The following ZRANB3 variants were observed in gnomAD, a reference collection of about 807,000 sequenced individuals.
The protein encoded by ZRANB3 is zinc finger RANBP2-type containing 3.
In ZRANB3, 125 loss-of-function variants were observed where a neutral mutation model predicts 133.8. The ratio of observed to expected loss-of-function variants is 0.93; its 90% CI spans 0.81 to 1.08. The LOEUF is 1.08. Ranked by LOEUF, ZRANB3 falls within the 50% of genes least tolerant of loss-of-function variation. ZRANB3 has a pLI of 0.00. For missense variants in ZRANB3, 1,229 were observed against 1,275.5 expected, an observed-to-expected ratio of 0.96 and a Z score of 0.56; for synonymous variants, 387 against 432.7, an observed-to-expected ratio of 0.89 and a Z score of 1.31.
chr2:135,389,057 G>T (rs963826871), intron 3 of ZRANB3, among the ~76,000 whole-genome samples: 1 of 152,156 alleles, frequency 6.6e-6, no homozygotes. Flanking sequence ...CAGTCTGGGC[G>T]ACAGAGCGAG....
chr2:135,462,523 T>C (rs1690804988), intron 2 of ZRANB3, among the ~76,000 whole-genome samples: 1 of 152,178 alleles, frequency 6.6e-6, no homozygotes, highest in Non-Finnish European at 1.5e-5. Context: ...CTTTCTGTAA[T>C]TTTCTTCCTT....
intron 3 of ZRANB3, among the ~76,000 whole-genome samples, chr2:135,377,295 A>G (rs1573999502): frequency 6.6e-6 from 1 of 152,196 alleles, no homozygotes; most frequent in Non-Finnish European, 1.5e-5. Context: ...AAATACACAC[A>G]CAAGTTAGTA....
intron 2 of ZRANB3, among the ~76,000 whole-genome samples, chr2:135,410,759 C>T (rs982755329): frequency 3.4e-5 from 5 of 145,144 alleles, no homozygotes; most frequent in South Asian, 2.3e-4. Context: ...GGAACTGGAA[C>T]GAATCAACAA....
At chr2:135,383,955 C>T (rs148672674) in intron 3 of ZRANB3, among the ~76,000 whole-genome samples, 1,676 of 152,242 alleles carry the variant, frequency 0.011, 16 homozygotes, top group Middle Eastern at 0.044. Flanking sequence ...AAAGCGAACA[C>T]ATTCAAAAGC....
At position 135,246,617 on chromosome 2, in the gene ZRANB3, G is replaced by A. The variant is rs537094666; in HGVS notation, c.1540-15690C>T. ...TAGTAATTTTTATCACAAAGCTTATGAGAAAAATATAATTATAACAACACG... is the reference window on the plus strand; with the variant it reads ...TAGTAATTTTTATCACAAAGCTTATAAGAAAAATATAATTATAACAACACG... On this transcript the variant is annotated intron_variant, in intron 12 of 20. Coordinates refer to ENST00000264159, the MANE Select transcript of ZRANB3 (RefSeq NM_032143.4). 3.3e-5 allele frequency among the ~76,000 whole-genome samples: 5 copies of A among 152,184 alleles called. No homozygotes were observed. The South Asian group carries it at 6.2e-4, about 19-fold the overall frequency.
In ZRANB3 at chr2:135,340,728, C is replaced by T. The variant is rs369654040; in HGVS notation, c.677+4822G>A. Among the ~76,000 whole-genome samples, 132 of 152,020 alleles carry T rather than the reference C, an allele frequency of 8.7e-4. 1 individual carries two copies. In the East Asian group the frequency reaches 9.2e-3, roughly 11 times the overall value. On this transcript the variant is annotated intron_variant, in intron 6 of 20. Transcript: ENST00000264159. ...ATTAGCCGGGTGTGGTGGCGGCACG[C>T]GCCTGTAATCTCAGCTACTCGGGAG... is the stretch of plus-strand genomic sequence containing the variant.
At chr2:135,482,290 G>A (rs369839857) in intron 2 of ZRANB3, among the ~76,000 whole-genome samples, 11,647 of 111,306 alleles carry the variant, frequency 0.1, 1,200 homozygotes, top group African/African-American at 0.33. Flanking sequence ...CTTTTATTTC[G>A]TTGAGCAGTG....
At chr2:135,321,288 G>A (rs924747754) in intron 6 of ZRANB3, among the ~76,000 whole-genome samples, 4 of 152,084 alleles carry the variant, frequency 2.6e-5, no homozygotes, top group African/African-American at 4.8e-5. Flanking sequence ...CCAGTTGTTC[G>A]GTAACCTTGC....
At chr2:135,519,944 G>A (rs1693854994) in intron 1 of ZRANB3, among the ~76,000 whole-genome samples, 1 of 152,270 alleles carries the variant, frequency 6.6e-6, no homozygotes, top group Non-Finnish European at 1.5e-5. Context: ...GTTTTAGGAA[G>A]AGGATATGGT....
intron 2 of ZRANB3, among the ~76,000 whole-genome samples, chr2:135,482,410 C>G (rs1691864240): frequency 6.7e-6 from 1 of 148,156 alleles, no homozygotes; most frequent in Non-Finnish European, 1.5e-5. Context: ...TGATTTGGCT[C>G]TCTGTTTGTC....
intron 4 of ZRANB3, among the ~76,000 whole-genome samples, chr2:135,351,983 G>T (rs1291766912): frequency 2.6e-5 from 4 of 152,136 alleles, no homozygotes; most frequent in Admixed American, 2.0e-4. Flanking sequence ...TGCCCTAGTG[G>T]CTATAAAAGA....
At chr2:135,403,613 C>T (rs982227064) in intron 2 of ZRANB3, among the ~76,000 whole-genome samples, 1 of 152,176 alleles carries the variant, frequency 6.6e-6, no homozygotes, top group Non-Finnish European at 1.5e-5. Context: ...AGTGGTTATC[C>T]CAGCACGCAG....
chr2:135,358,226 G>A (rs1352660473), intron 3 of ZRANB3, among the ~76,000 whole-genome samples: 2 of 152,092 alleles, frequency 1.3e-5, no homozygotes, highest in African/African-American at 4.8e-5. Context: ...TATAGTTTAG[G>A]AAATAGCCAA....
intron 12 of ZRANB3, among the ~76,000 whole-genome samples, chr2:135,258,990 C>T (rs1410868712): frequency 6.6e-6 from 1 of 152,150 alleles, no homozygotes; most frequent in Non-Finnish European, 1.5e-5. Flanking sequence ...ACAATGTTGG[C>T]ATTTAATTTA....
At chr2:135,497,424 C>T (rs1476289119) in intron 2 of ZRANB3, among the ~76,000 whole-genome samples, 1 of 152,184 alleles carries the variant, frequency 6.6e-6, no homozygotes, top group Non-Finnish European at 1.5e-5. Flanking sequence ...GAATCTACAA[C>T]TGCACTATTC....
chr2:135,307,616 T>A (rs1301541595), intron 8 of ZRANB3, among the ~76,000 whole-genome samples: 1 of 152,276 alleles, frequency 6.6e-6, no homozygotes, highest in Non-Finnish European at 1.5e-5. Context: ...TTGCTTTATG[T>A]CTTGGCAATG....
At chr2:135,398,541 TG>T (rs1237670650) in intron 2 of ZRANB3, among the ~76,000 whole-genome samples, 13 of 149,974 alleles carry the variant, frequency 8.7e-5, no homozygotes, top group Non-Finnish European at 1.8e-4. Context: ...TTTTTTGAGA[TG>T]GAGTCTTGCT....
chr2:135,400,006 C>T (rs1687664771), intron 2 of ZRANB3, among the ~76,000 whole-genome samples: 1 of 152,088 alleles, frequency 6.6e-6, no homozygotes, highest in African/African-American at 2.4e-5. Context: ...ATTTGGAAGG[C>T]CAAGGCAGGC....
At chr2:135,504,548 C>T in intron 1 of ZRANB3, 52 bp from the exon 2 acceptor site, 1 of 1,469,904 alleles carries the variant, frequency 6.8e-7, no homozygotes. Context: ...ATAGATATTA[C>T]TAAGTATGTT....
Sources: gnomAD v4.1 joint callset for allele counts (sites outside exome capture counted in the v4.1 genomes callset) on GRCh38, gnomAD v4.1.1 for gene constraint, MANE v1.5 for transcripts, NCBI Gene and HGNC (gene_info 2026-07-23, HGNC 2026-07-21) for gene names.